FAM20A: variants seen among roughly 807,000 people sequenced by gnomAD.
FAM20A encodes pseudokinase FAM20A.
FAM20A carries 42 observed loss-of-function variants against 52.0 expected under a neutral mutation model. The observed-to-expected ratio is 0.81, with a 90% CI of 0.63 to 1.04. The LOEUF is 1.04. Ranked by LOEUF, FAM20A falls within the 50% of genes least tolerant of loss-of-function variation. The pLI, the probability that FAM20A is intolerant of heterozygous loss-of-function variation, is 0.00. For synonymous variants in FAM20A, 304 were observed against 298.9 expected (o/e 1.02, Z -0.18); for missense variants, 742 against 712.7 (o/e 1.04, Z -0.47).
intron 1 of FAM20A, among the ~76,000 whole-genome samples, chr17:68,575,517 A>ATATATTATATATTT (rs1376938375): frequency 2.1e-4 from 23 of 109,532 alleles, no homozygotes; most frequent in African/African-American, 7.8e-4. Context: ...TATATATTTT[A>ATATATTATATATTT]TATATTATAT....
chr17:68,599,442 G>T (rs563430081), intron 1 of FAM20A, among the ~76,000 whole-genome samples: 1 of 152,242 alleles, frequency 6.6e-6, no homozygotes, highest in East Asian at 1.9e-4. Flanking sequence ...TTTCCAGAAA[G>T]ATTCTTAATT....
intron 1 of FAM20A, among the ~76,000 whole-genome samples, chr17:68,581,668 C>T (rs781099587): frequency 8.0e-5 from 12 of 150,406 alleles, no homozygotes; most frequent in South Asian, 2.1e-4. Context: ...CTCCGCCTCC[C>T]GGGTTTAAGC....
intron 1 of FAM20A, among the ~76,000 whole-genome samples, chr17:68,556,257 T>C (rs2087046346): frequency 6.6e-6 from 1 of 152,152 alleles, no homozygotes; most frequent in African/African-American, 2.4e-5. Context: ...AGTTAGATTA[T>C]AAACGAAAAG....
chr17:68,538,408 C>G (rs1344909935), intron 10 of FAM20A, among the ~76,000 whole-genome samples: 2 of 152,246 alleles, frequency 1.3e-5, no homozygotes, highest in African/African-American at 4.8e-5. Flanking sequence ...AATACTCATG[C>G]TCTACTCCGA....
At chr17:68,544,587 A>G (rs1005745183) in intron 4 of FAM20A, among the ~76,000 whole-genome samples, 2 of 152,236 alleles carry the variant, frequency 1.3e-5, no homozygotes, top group African/African-American at 2.4e-5. Flanking sequence ...TCTATAAATA[A>G]GAAGCACTGG....
At chr17:68,564,581 G>C (rs2087319679) in intron 1 of FAM20A, among the ~76,000 whole-genome samples, 1 of 152,170 alleles carries the variant, frequency 6.6e-6, no homozygotes, top group Non-Finnish European at 1.5e-5. Flanking sequence ...ATCATCCAAG[G>C]GACCTTGGAA....
At chr17:68,593,233 A>G (rs1402994216) in intron 1 of FAM20A, among the ~76,000 whole-genome samples, 1 of 152,250 alleles carries the variant, frequency 6.6e-6, no homozygotes, top group African/African-American at 2.4e-5. Context: ...AGCCTACTTC[A>G]GCAGAATCCG....
At chr17:68,563,560 C>T (rs562467710) in intron 1 of FAM20A, among the ~76,000 whole-genome samples, 14 of 151,852 alleles carry the variant, frequency 9.2e-5, no homozygotes, top group African/African-American at 2.4e-4. Flanking sequence ...TCCCCATGTC[C>T]GCAGTTTTTA....
intron 1 of FAM20A, 31 bp from the exon 2 acceptor site, chr17:68,555,774 G>T: frequency 1.2e-6 from 2 of 1,612,612 alleles, no homozygotes; most frequent in South Asian, 2.2e-5. Context: ...TTCATTAGAG[G>T]AACAAGAATG....
In FAM20A at chr17:68,535,824, A is replaced by G. The variant is rs1463626236; in HGVS notation, c.*1653T>C. On this transcript the variant is annotated 3_prime_UTR_variant, in exon 11 of 11. Coordinates refer to ENST00000592554, the MANE Select transcript of FAM20A (RefSeq NM_017565.4). ...GCCCAGCTGATTTTTTTTTTAAGCA[A>G]ACAAATTTGACTTCATAAATTGGGT... 2 of 453,794 alleles carry G rather than the reference A, an allele frequency of 4.4e-6. No homozygotes were observed. The highest frequency in any genetic ancestry group is 6.9e-5 in the East Asian group (1 of 14,402). The allele number at this position is 453,794 out of a possible 1,614,324, so 28.1% of individuals were successfully genotyped here.
chr17:68,574,073 T>TTA lies in FAM20A; in HGVS notation c.405-18331_405-18330insTA, dbSNP rs1312284988. Among the ~76,000 whole-genome samples the TTA allele has an allele frequency of 4.6e-5, 7 of 152,126 alleles. No homozygotes were observed. The South Asian group carries it at 6.2e-4, about 14-fold the overall frequency. On this transcript the variant is annotated intron_variant, in intron 1 of 10. Coordinates refer to ENST00000592554, the MANE Select transcript of FAM20A (RefSeq NM_017565.4). ...TGGTGGTGGGAACTCTCTCTAGAGT[T>TTA]CTTTTTTTTGAGACAGGGTCTCACT...
At position 68,600,603 on chromosome 17, in the gene FAM20A, C is replaced by T. The variant is rs2088595542; in HGVS notation, c.64G>A (p.Asp22Asn). The change falls in exon 1 of 11, where the codon GAC becomes AAC. Residue 22 changes from aspartate to asparagine, a missense_variant. Physicochemically the swap from Asp to Asn is conservative, Grantham distance 23. Transcript: ENST00000592554. The surrounding 1 kb of genome is among the most constrained non-coding windows in gnomAD (Gnocchi z 6.2). ...TGGGGCCAGAGGTGGAAGTAGAGGT[C>T]GGCGGAGAGCAGCGCGCCCAGCAGC... ...LLLLGALLSA[D>N]LYFHLWPQVQ... The T allele has an allele frequency of 1.3e-6, 2 of 1,563,440 alleles. No individual in the cohort carries two copies. Among genetic ancestry groups the T allele is most frequent in the Non-Finnish European group, 1.7e-6 (2 of 1,157,326 alleles).
intron 1 of FAM20A, among the ~76,000 whole-genome samples, chr17:68,559,466 G>C (rs887745948): frequency 6.6e-6 from 1 of 152,172 alleles, no homozygotes; most frequent in African/African-American, 2.4e-5. Flanking sequence ...CTTCATGGCT[G>C]TTGCTTTCAT....
In FAM20A at chr17:68,536,010, T is replaced by C. The variant is rs1377749150; in HGVS notation, c.*1467A>G. 8.8e-6 allele frequency: 4 copies of C among 453,990 alleles called. No homozygotes were observed. Among genetic ancestry groups the C allele is most frequent in the African/African-American group, 2.0e-5 (1 of 50,006 alleles). The allele number at this position is 453,990 out of a possible 1,614,324, so 28.1% of individuals were successfully genotyped here. A position where few individuals can be genotyped will look rare whatever the true frequency, so the allele number is the denominator to read the frequency against. On this transcript the variant is annotated 3_prime_UTR_variant, in exon 11 of 11. Coordinates refer to ENST00000592554, the MANE Select transcript of FAM20A (RefSeq NM_017565.4). The stretch of plus-strand genomic sequence containing the variant: ...TGTGTTTGAGAGGATTGGAAACCTG[T>C]GTGTTGCTTCTGTAGCGTTGGTGAG...
chr17:68,591,140 T>C (rs2088294557), intron 1 of FAM20A, among the ~76,000 whole-genome samples: 1 of 148,998 alleles, frequency 6.7e-6, no homozygotes, highest in South Asian at 2.1e-4. Context: ...GGAGTCTCAC[T>C]CTGTGGCCCA....
Position 68,537,576 on chromosome 17 carries a change from C to T in FAM20A, c.1527G>A (p.Val509=), listed in dbSNP as rs757459094. 4 of 1,613,254 alleles carry T rather than the reference C, an allele frequency of 2.5e-6. No homozygotes were observed. The highest frequency in any genetic ancestry group is 3.4e-6 in the Non-Finnish European group (4 of 1,179,466). Reference sequence around the variant, plus strand: ...GTCCATGGGCCACTATGCACCCCTCCACTGTCCTTAGGATGGTTTGGAGCC... The same window carrying T: ...GTCCATGGGCCACTATGCACCCCTCTACTGTCCTTAGGATGGTTTGGAGCC... ...DRRLQTILRT[V]EGCIVAHGQQ... is the part of the protein sequence containing the mutation. The change falls in exon 11 of 11, where the codon GTG becomes GTA. Residue 509 remains valine (V), a synonymous_variant. Coordinates refer to ENST00000592554, the MANE Select transcript of FAM20A (RefSeq NM_017565.4). The surrounding 1 kb of genome is among the most constrained non-coding windows in gnomAD (Gnocchi z 4.2).
rs143744445 is a variant in FAM20A, at chr17:68,580,202, C to T, written c.404+20061G>A. 7.8e-3 allele frequency among the ~76,000 whole-genome samples: 1,182 copies of T among 152,272 alleles called. 9 individuals are homozygous for T. The highest frequency in any genetic ancestry group is 0.011 in the Non-Finnish European group (774 of 68,016). On this transcript the variant is annotated intron_variant, in intron 1 of 10. Transcript: ENST00000592554. ...CTCTTCCACAGTGGCTGCAGAGAAACGAATGCTTTGTCAAGAATTTAATTT... is the reference window on the plus strand; with the variant it reads ...CTCTTCCACAGTGGCTGCAGAGAAATGAATGCTTTGTCAAGAATTTAATTT...
intron 8 of FAM20A, 95 bp downstream of exon 8, chr17:68,540,753 CA>C: frequency 6.8e-7 from 1 of 1,467,100 alleles, no homozygotes; most frequent in Non-Finnish European, 9.3e-7. Flanking sequence ...ACTCAGTCCT[CA>C]TGAACCAGGT....
intron 1 of FAM20A, among the ~76,000 whole-genome samples, chr17:68,599,566 T>C (rs1236028307): frequency 1.3e-5 from 2 of 152,192 alleles, no homozygotes; most frequent in East Asian, 1.9e-4. Context: ...TCCAAGTCAG[T>C]CCAAATCACC....
Sources: allele counts gnomAD v4.1 joint callset (sites outside exome capture counted in the v4.1 genomes callset), GRCh38; gene constraint gnomAD v4.1.1; non-coding constraint Gnocchi (gnomAD v3.1); transcripts MANE v1.5; gene names NCBI Gene and HGNC (gene_info 2026-07-23, HGNC 2026-07-21).